Variants in MGMT observed in about 807,000 individuals in gnomAD.
MGMT encodes the protein methylated-DNA--protein-cysteine methyltransferase.
Under a neutral mutation model 15.9 loss-of-function variants are expected in MGMT, and 14 were observed. The observed-to-expected ratio is 0.88, with a 90% confidence interval of 0.58 to 1.37. The LOEUF is 1.37. Ranked by LOEUF, MGMT falls within the 40% of genes most tolerant of loss-of-function variation. The pLI is 0.00. For missense variants in MGMT, 282 were observed against 268.1 expected, an observed-to-expected ratio of 1.05 and a Z score of -0.36; for synonymous variants, 130 against 118.2, an observed-to-expected ratio of 1.10 and a Z score of -0.65.
rs145944434 is a variant in MGMT, at chr10:129,561,185, A to G, written c.125+24808A>G. On this transcript the variant is annotated intron_variant, in intron 2 of 4. Coordinates refer to ENST00000651593, the MANE Select transcript of MGMT (RefSeq NM_002412.5). ...TTCTCACTATTAACCAATCTCACGTATCTAACTTTCCTTACTATATTATTA... is the reference window on the plus strand; with the variant it reads ...TTCTCACTATTAACCAATCTCACGTGTCTAACTTTCCTTACTATATTATTA... 1.8e-3 allele frequency among the ~76,000 whole-genome samples: 280 copies of G among 152,294 alleles called. 1 individual carries two copies. The highest frequency in any genetic ancestry group is 6.6e-3 in the African/African-American group (276 of 41,566).
chr10:129,578,724 A>G (rs1589876666), intron 2 of MGMT, among the ~76,000 whole-genome samples: 1 of 152,348 alleles, frequency 6.6e-6, no homozygotes, highest in Admixed American at 6.5e-5. Context: ...TGTCTTTCAC[A>G]TCCTGGGAAC....
intron 2 of MGMT, among the ~76,000 whole-genome samples, chr10:129,631,848 A>T (rs1564742768): frequency 6.6e-6 from 1 of 152,084 alleles, no homozygotes; most frequent in Non-Finnish European, 1.5e-5. Context: ...ATAAAATAAA[A>T]AATGTATATT....
At chr10:129,653,151 A>G (rs1284263954) in intron 2 of MGMT, among the ~76,000 whole-genome samples, 2 of 152,090 alleles carry the variant, frequency 1.3e-5, no homozygotes, top group African/African-American at 2.4e-5. Flanking sequence ...TTATTTCTAG[A>G]CACCCTTTAT....
At chr10:129,615,737 G>A (rs569142030) in intron 2 of MGMT, among the ~76,000 whole-genome samples, 1 of 152,252 alleles carries the variant, frequency 6.6e-6, no homozygotes, top group East Asian at 1.9e-4. Flanking sequence ...ATACCAAGTG[G>A]CACTCATCCC....
At chr10:129,717,694 G>C (rs1022763387) in intron 3 of MGMT, 1 of 152,132 alleles carries the variant, frequency 6.6e-6, no homozygotes, top group Non-Finnish European at 1.5e-5. Context: ...ACCCACACAT[G>C]GCTGGCCGGC....
chr10:129,533,541 C>T lies in MGMT; in HGVS notation c.-12-2700C>T, dbSNP rs189376026. On this transcript the variant is annotated intron_variant, in intron 1 of 4. Coordinates refer to ENST00000651593, the MANE Select transcript of MGMT (RefSeq NM_002412.5). This position sits in a 1 kb window ranked among gnomAD's most constrained non-coding sequence, Gnocchi z 4.5. ...AGCTTTGACCCACCATCGTGCAGGG[C>T]GAGTTTCCAAGAAATGGCGAGAGAG... Among the ~76,000 whole-genome samples the T allele has an allele frequency of 3.2e-3, 486 of 152,272 alleles. 2 individuals carry two copies. The highest frequency in any genetic ancestry group is 0.011 in the African/African-American group (464 of 41,568).
chr10:129,624,275 T>C (rs2133077768), intron 2 of MGMT, among the ~76,000 whole-genome samples: 1 of 152,218 alleles, frequency 6.6e-6, no homozygotes, highest in East Asian at 1.9e-4. Context: ...ATGGTCCTGC[T>C]CCCCCGGGGA....
chr10:129,742,341 C>A (rs2133172761), intron 3 of MGMT, among the ~76,000 whole-genome samples: 1 of 152,356 alleles, frequency 6.6e-6, no homozygotes, highest in Admixed American at 6.5e-5. Flanking sequence ...GACTTCACAC[C>A]ATGCGTAGGG....
intron 2 of MGMT, among the ~76,000 whole-genome samples, chr10:129,576,234 A>G (rs1846481204): frequency 6.6e-6 from 1 of 152,214 alleles, no homozygotes; most frequent in Non-Finnish European, 1.5e-5. Context: ...CACAACCAAA[A>G]AAGAGAATTT....
intron 2 of MGMT, among the ~76,000 whole-genome samples, chr10:129,613,855 T>A (rs1589894116): frequency 1.3e-5 from 2 of 152,340 alleles, no homozygotes; most frequent in South Asian, 4.1e-4. Context: ...CTGGATGCCT[T>A]TTGTGCCTAT....
chr10:129,483,294 T>C (rs183934012), intron 1 of MGMT, among the ~76,000 whole-genome samples: 22 of 152,344 alleles, frequency 1.4e-4, no homozygotes, highest in African/African-American at 4.8e-4. Context: ...ATCAGTTTTC[T>C]TTTAAAGAGA....
chr10:129,724,206 T>C (rs966076912), intron 3 of MGMT, among the ~76,000 whole-genome samples: 2 of 152,172 alleles, frequency 1.3e-5, no homozygotes, highest in East Asian at 3.9e-4. Context: ...GAACTTAGCA[T>C]TGAAAAGGAA....
Position 129,770,141 on chromosome 10 carries a change from G to A in MGMT, c.*3144G>A, listed in dbSNP as rs1028685109. The stretch of plus-strand genomic sequence containing the variant: ...GCCCCACGTGCTTCTCCAGAATCCC[G>A]TTTGGAGGGGCCAAGCAAGTCCAAT... On this transcript the variant is annotated 3_prime_UTR_variant, in exon 5 of 5. Coordinates refer to ENST00000651593, the MANE Select transcript of MGMT (RefSeq NM_002412.5). 6.6e-6 allele frequency among the ~76,000 whole-genome samples: 1 copy of A among 152,158 alleles called. No homozygotes were observed. The highest frequency in any genetic ancestry group is 1.5e-5 in the Non-Finnish European group (1 of 68,022).
chr10:129,576,040 T>C (rs1846478562), intron 2 of MGMT, among the ~76,000 whole-genome samples: 2 of 152,184 alleles, frequency 1.3e-5, no homozygotes, highest in Admixed American at 1.3e-4. Flanking sequence ...GAGGCAATAA[T>C]TAATAGCTTA....
In MGMT at chr10:129,768,061, G is replaced by A. The variant is rs1848959197; in HGVS notation, c.*1064G>A. On this transcript the variant is annotated 3_prime_UTR_variant, in exon 5 of 5. Coordinates refer to ENST00000651593, the MANE Select transcript of MGMT (RefSeq NM_002412.5). ...GAGAAAATGAACTGCACCCAGCTGT[G>A]CACTAGAGCGCCATGTTCTTACCCA... 1 of 152,214 alleles carries A rather than the reference G, an allele frequency of 6.6e-6. No homozygotes were observed. The highest frequency in any genetic ancestry group is 1.5e-5 in the Non-Finnish European group (1 of 68,044). 9.4% of individuals were successfully genotyped at this position (152,214 alleles called of 1,614,324 possible). A position where few individuals can be genotyped will look rare whatever the true frequency, so the allele number is the denominator to read the frequency against.
At chr10:129,756,960 G>A (rs1052106872) in intron 3 of MGMT, among the ~76,000 whole-genome samples, 1 of 152,218 alleles carries the variant, frequency 6.6e-6, no homozygotes, top group African/African-American at 2.4e-5. Flanking sequence ...AAGAACGGGT[G>A]TCATTCAGCC....
chr10:129,497,288 C>G (rs372830533), intron 1 of MGMT, among the ~76,000 whole-genome samples: 1 of 152,114 alleles, frequency 6.6e-6, no homozygotes, highest in Non-Finnish European at 1.5e-5. Flanking sequence ...CACGGAGGGG[C>G]GGTGCACAGC....
At chr10:129,593,815 G>T (rs969401569) in intron 2 of MGMT, among the ~76,000 whole-genome samples, 4 of 152,232 alleles carry the variant, frequency 2.6e-5, no homozygotes, top group Non-Finnish European at 4.4e-5. Context: ...AGGCCTGGAG[G>T]CCAGGCAGTG....
At position 129,759,472 on chromosome 10, in the gene MGMT, A is replaced by T. The variant is rs947043197; in HGVS notation, c.414+131A>T. 34 of 1,371,536 alleles carry T rather than the reference A, an allele frequency of 2.5e-5. No homozygotes were observed. The African/African-American group carries it at 3.4e-4, about 14-fold the overall frequency. The allele number at this position is 1,371,536 out of a possible 1,614,324, so 85.0% of individuals were successfully genotyped here. On this transcript the variant is annotated intron_variant, in intron 4 of 4. Coordinates refer to ENST00000651593, the MANE Select transcript of MGMT (RefSeq NM_002412.5). ...GGTGGGCAGAGGGGCGATATCTGTGATGGGGACCATTATGCCAGATGCCTC... is the reference window on the plus strand; with the variant it reads ...GGTGGGCAGAGGGGCGATATCTGTGTTGGGGACCATTATGCCAGATGCCTC...
Sources: allele counts gnomAD v4.1 joint callset (sites outside exome capture counted in the v4.1 genomes callset), GRCh38; gene constraint gnomAD v4.1.1; non-coding constraint Gnocchi (gnomAD v3.1); transcripts MANE v1.5; gene names NCBI Gene and HGNC (gene_info 2026-07-23, HGNC 2026-07-21).